Variants in PDIA5 observed in about 807,000 individuals in gnomAD.
PDIA5 encodes protein disulfide-isomerase A5.
PDIA5 carries 58 observed loss-of-function variants against 77.6 expected under a neutral mutation model. That is an observed-to-expected ratio of 0.75 (90% CI 0.61 to 0.93). PDIA5 has a LOEUF of 0.93. PDIA5 is among the 40% of genes least tolerant of loss of function. PDIA5 has a pLI of 0.00. For synonymous variants in PDIA5, 250 were observed against 252.1 expected, an observed-to-expected ratio of 0.99 and a Z score of 0.08; for missense variants, 630 against 647.7, an observed-to-expected ratio of 0.97 and a Z score of 0.30.
At chr3:123,134,728 C>A (rs1935450805) in intron 11 of PDIA5, among the ~76,000 whole-genome samples, 2 of 152,250 alleles carry the variant, frequency 1.3e-5, no homozygotes, top group African/African-American at 4.8e-5. Flanking sequence ...CCCAGGGCAG[C>A]CACGGTGCTA....
intron 3 of PDIA5, 47 bp from the exon 4 acceptor site, chr3:123,102,364 G>A: frequency 1.4e-6 from 2 of 1,461,662 alleles, no homozygotes; most frequent in Non-Finnish European, 1.9e-6. Flanking sequence ...CAACACCTTT[G>A]TGAGGACTTC....
intron 1 of PDIA5, among the ~76,000 whole-genome samples, chr3:123,074,468 A>G (rs964956669): frequency 1.3e-5 from 2 of 152,202 alleles, no homozygotes; most frequent in African/African-American, 4.8e-5. Context: ...ATTACAAAGA[A>G]AGCAGTTTTA....
chr3:123,154,888 G>T lies in PDIA5; in HGVS notation c.1274-83G>T. 2.2e-6 allele frequency: 2 copies of T among 908,918 alleles called. 1 individual carries two copies. Among genetic ancestry groups the T allele is most frequent in the South Asian group, 2.6e-5 (2 of 76,674 alleles). 56.3% of individuals were successfully genotyped at this position (908,918 alleles called of 1,614,324 possible). A position where few individuals can be genotyped will look rare whatever the true frequency, so the allele number is the denominator to read the frequency against. ...GGGAGCTCCTGGAGAGCCCTCTCTGGAGCTTTCAGGAAGGGTCCCTGGCCC... is the reference window on the plus strand; with the variant it reads ...GGGAGCTCCTGGAGAGCCCTCTCTGTAGCTTTCAGGAAGGGTCCCTGGCCC... On this transcript the variant is annotated intron_variant, in intron 14 of 16. Coordinates refer to ENST00000316218, the MANE Select transcript of PDIA5 (RefSeq NM_006810.4).
chr3:123,072,918 G>GTGTGTGTGTGTGTGTT (rs1426606805), intron 1 of PDIA5, among the ~76,000 whole-genome samples: 29 of 150,842 alleles, frequency 1.9e-4, no homozygotes, highest in African/African-American at 6.5e-4. Flanking sequence ...CCTTCTGTGT[G>GTGTGTGTGTGTGTGTT]TGTGTGTGTG....
intron 10 of PDIA5, among the ~76,000 whole-genome samples, chr3:123,127,958 C>A (rs541710647): frequency 3.3e-5 from 5 of 152,150 alleles, no homozygotes; most frequent in Non-Finnish European, 4.4e-5. Flanking sequence ...AAGGAGCTCA[C>A]GGCCTGGGGT....
chr3:123,132,321 C>G (rs895364561), intron 11 of PDIA5, among the ~76,000 whole-genome samples: 1 of 152,146 alleles, frequency 6.6e-6, no homozygotes, highest in East Asian at 1.9e-4. Context: ...GGGAATTGCT[C>G]ATAAACATAC....
At chr3:123,099,057 GCA>G (rs34705320) in intron 3 of PDIA5, among the ~76,000 whole-genome samples, 23,821 of 150,924 alleles carry the variant, frequency 0.16, 1,900 homozygotes, top group Non-Finnish European at 0.19. Flanking sequence ...ACATGCTTGC[GCA>G]CACACACACA....
chr3:123,078,163 T>G (rs1466003615), intron 1 of PDIA5, among the ~76,000 whole-genome samples: 1 of 152,214 alleles, frequency 6.6e-6, no homozygotes, highest in East Asian at 1.9e-4. Flanking sequence ...AAGTATTTGC[T>G]AGGTATGTGT....
chr3:123,152,543 A>G (rs891073844), intron 14 of PDIA5, among the ~76,000 whole-genome samples: 2 of 152,228 alleles, frequency 1.3e-5, no homozygotes, highest in Non-Finnish European at 2.9e-5. Context: ...ATTTTTATAT[A>G]TAAATATGGC....
intron 11 of PDIA5, among the ~76,000 whole-genome samples, chr3:123,140,906 G>A (rs368723190): frequency 3.0e-4 from 45 of 152,322 alleles, no homozygotes; most frequent in South Asian, 6.2e-4. Context: ...TGTGGCAGAC[G>A]TTGCAAGTTG....
At chr3:123,087,464 T>C (rs1934171544) in intron 1 of PDIA5, among the ~76,000 whole-genome samples, 1 of 147,642 alleles carries the variant, frequency 6.8e-6, no homozygotes, top group African/African-American at 2.5e-5. Context: ...TTGTATTTTC[T>C]AGGAGATTTT....
chr3:123,161,811 G>T (rs1032273516), intron 16 of PDIA5, 69 bp from the exon 17 acceptor site: 2 of 1,017,462 alleles, frequency 2.0e-6, no homozygotes, highest in Non-Finnish European at 1.6e-6. Flanking sequence ...GGGGTGTGGG[G>T]AGAGAGAGTG....
chr3:123,068,881 G>A (rs1449437761), intron 1 of PDIA5, among the ~76,000 whole-genome samples: 1 of 152,158 alleles, frequency 6.6e-6, no homozygotes, highest in African/African-American at 2.4e-5. Flanking sequence ...GGAGCCATAC[G>A]TTGATTTAAA....
chr3:123,138,988 T>C (rs1935561887), intron 11 of PDIA5, among the ~76,000 whole-genome samples: 1 of 152,204 alleles, frequency 6.6e-6, no homozygotes, highest in Non-Finnish European at 1.5e-5. Flanking sequence ...TAATTGAATT[T>C]AATGAAATCC....
chr3:123,107,883 C>T (rs140375926), intron 6 of PDIA5, among the ~76,000 whole-genome samples: 2,300 of 152,242 alleles, frequency 0.015, 53 homozygotes, highest in African/African-American at 0.052. Flanking sequence ...CTCACTGTAA[C>T]CTTGAATTCC....
At position 123,124,057 on chromosome 3, in the gene PDIA5, TC is replaced by T; in HGVS notation, c.610-7del. On this transcript the variant is annotated splice_region_variant and splice_polypyrimidine_tract_variant and intron_variant, in intron 8 of 16. Transcript: ENST00000316218. Reference sequence around the variant, plus strand: ...AGGCTCCACACGGCTCTTCTCCGCTTCCTCCCAGGTGCTGGCCGGGATGAAT... The same window carrying T: ...AGGCTCCACACGGCTCTTCTCCGCTTCTCCCAGGTGCTGGCCGGGATGAAT... 6.2e-7 allele frequency: 1 copy of T among 1,605,636 alleles called. No individual in the cohort carries two copies. Among genetic ancestry groups the T allele is most frequent in the South Asian group, 1.1e-5 (1 of 90,908 alleles).
rs369989643 is a variant in PDIA5 at position 123,090,133 on chromosome 3, C to T, written c.169+839C>T. Reference sequence around the variant, plus strand: ...CCTGGGGGATGATAGAGGCTCCAGACGTGCCTGCATCCTCCAGGCATCCCT... The same window carrying T: ...CCTGGGGGATGATAGAGGCTCCAGATGTGCCTGCATCCTCCAGGCATCCCT... On this transcript the variant is annotated intron_variant, in intron 2 of 16. Coordinates refer to ENST00000316218, the MANE Select transcript of PDIA5 (RefSeq NM_006810.4). Among the ~76,000 whole-genome samples, 16 of 152,330 alleles carry T rather than the reference C, an allele frequency of 1.1e-4. No individual in the cohort carries two copies. In the East Asian group the frequency reaches 2.5e-3, roughly 24 times the overall value.
intron 16 of PDIA5, 51 bp from the exon 17 acceptor site, chr3:123,161,829 A>C: frequency 8.4e-7 from 1 of 1,187,686 alleles, no homozygotes; most frequent in Admixed American, 1.7e-5. Context: ...GTGCACAGCC[A>C]GCTCAGGGAT....
chr3:123,116,298 C>T lies in PDIA5; in HGVS notation c.609C>T (p.Ala203=), dbSNP rs747066440. The change falls in exon 8 of 17, where the codon GCC becomes GCT. Residue 203 remains alanine (A), a splice_region_variant and synonymous_variant. Coordinates refer to ENST00000316218, the MANE Select transcript of PDIA5 (RefSeq NM_006810.4). ...CTGCGACTCAGCTGCGAGGCCACGCCGTAAGTGAGGCGCCATTGCCTGGCA... is the reference window on the plus strand; with the variant it reads ...CTGCGACTCAGCTGCGAGGCCACGCTGTAAGTGAGGCGCCATTGCCTGGCA... ...QKAATQLRGH[A]VLAGMNVYSS... is the part of the protein sequence containing the mutation. 24 of 1,611,960 alleles carry T rather than the reference C, an allele frequency of 1.5e-5. 1 individual carries two copies. The highest frequency in any genetic ancestry group is 1.3e-4 in the South Asian group (12 of 91,066).
Sources: allele counts gnomAD v4.1 joint callset (sites outside exome capture counted in the v4.1 genomes callset), GRCh38; gene constraint gnomAD v4.1.1; transcripts MANE v1.5; gene names NCBI Gene and HGNC (gene_info 2026-07-23, HGNC 2026-07-21).